Variants in TJP1 observed in about 807,000 individuals in gnomAD.
TJP1 encodes the protein tight junction protein ZO-1.
Under a neutral mutation model 194.2 loss-of-function variants are expected in TJP1, and 43 were observed. The ratio of observed to expected loss-of-function variants is 0.22; its 90% CI spans 0.17 to 0.29. The LOEUF (loss-of-function observed/expected upper bound fraction) is 0.29. Among genes scored for constraint, TJP1 ranks in the 10% least tolerant of loss-of-function variants. The pLI, the probability that TJP1 is intolerant of heterozygous loss-of-function variation, is 1.00. For missense variants in TJP1, 1,971 were observed against 2,185.7 expected (o/e 0.90, Z 1.96); for synonymous variants, 801 against 779.0 (o/e 1.03, Z -0.47).
intron 2 of TJP1, among the ~76,000 whole-genome samples, chr15:29,923,212 C>T (rs1028514230): frequency 2.0e-5 from 3 of 152,164 alleles, no homozygotes; most frequent in East Asian, 3.8e-4. Context: ...AAAGATCTAT[C>T]TATTGAAGCA....
At chr15:29,847,113 A>T (rs1317497165) in intron 2 of TJP1, among the ~76,000 whole-genome samples, 1 of 151,898 alleles carries the variant, frequency 6.6e-6, no homozygotes, top group African/African-American at 2.4e-5. Context: ...TGTTTATTTA[A>T]TTTTTTTGAG....
intron 2 of TJP1, among the ~76,000 whole-genome samples, chr15:29,900,874 C>T (rs1020819850): frequency 6.6e-6 from 1 of 152,102 alleles, no homozygotes; most frequent in African/African-American, 2.4e-5. Flanking sequence ...GACAAAGAAT[C>T]ATCCTTTATA....
chr15:29,883,971 T>C (rs2053027828), intron 2 of TJP1, among the ~76,000 whole-genome samples: 1 of 152,226 alleles, frequency 6.6e-6, no homozygotes, highest in Non-Finnish European at 1.5e-5. Flanking sequence ...TTGTGACAAG[T>C]ATGGGAATTC....
chr15:29,786,903 T>C (rs1195510538), intron 2 of TJP1, among the ~76,000 whole-genome samples: 1 of 152,226 alleles, frequency 6.6e-6, no homozygotes, highest in Admixed American at 6.5e-5. Flanking sequence ...GGCATTTTAC[T>C]AGACCTTTCT....
chr15:29,892,325 T>A (rs879468518), intron 2 of TJP1, among the ~76,000 whole-genome samples: 5 of 152,202 alleles, frequency 3.3e-5, no homozygotes, highest in Non-Finnish European at 5.9e-5. Context: ...AAAGAAGCCA[T>A]CTCCGTAACA....
At chr15:29,953,861 C>CA (rs2055845992) in intron 2 of TJP1, among the ~76,000 whole-genome samples, 1 of 152,170 alleles carries the variant, frequency 6.6e-6, no homozygotes, top group Non-Finnish European at 1.5e-5. Context: ...CATGGCTTTT[C>CA]AATGCACTCT....
rs779837619 is a variant in TJP1, at chr15:29,700,273, G to A, written c.*1322C>T. 23 of 398,722 alleles carry A rather than the reference G, an allele frequency of 5.8e-5. No individual in the cohort carries two copies. The highest frequency in any genetic ancestry group is 8.0e-5 in the Non-Finnish European group (18 of 226,018). 24.7% of individuals were successfully genotyped at this position (398,722 alleles called of 1,614,324 possible). A position where few individuals can be genotyped will look rare whatever the true frequency, so the allele number is the denominator to read the frequency against. On this transcript the variant is annotated 3_prime_UTR_variant, in exon 28 of 28. Coordinates refer to ENST00000614355, the MANE Select transcript of TJP1 (RefSeq NM_001330239.4). Reference sequence around the variant, plus strand: ...GTGGTGTATTATCTAAACAGAAATCGTGCTGATGTGCCATAATAAATTGTC... The same window carrying A: ...GTGGTGTATTATCTAAACAGAAATCATGCTGATGTGCCATAATAAATTGTC...
At chr15:29,720,732 C>T in intron 18 of TJP1, 24 bp from the exon 19 acceptor site, 1 of 1,537,788 alleles carries the variant, frequency 6.5e-7, no homozygotes. Flanking sequence ...AAGTAAATTA[C>T]AAATTTTATT....
intron 18 of TJP1, among the ~76,000 whole-genome samples, chr15:29,723,096 CTGAGTTAATGCTGAAA>C (rs2043030672): frequency 6.6e-6 from 1 of 152,118 alleles, no homozygotes. Flanking sequence ...CTTTGAACTT[CTGAGTTAATGCTGAAA>C]TGAGTTAAGA....
At chr15:29,817,844 G>A (rs934309579) in intron 1 of TJP1, among the ~76,000 whole-genome samples, 15 of 152,052 alleles carry the variant, frequency 9.9e-5, no homozygotes, top group African/African-American at 2.9e-4. Context: ...CCTGTTACCC[G>A]GGTTGGTGGT....
chr15:29,949,517 TCCACCACCACCACC>T (rs2055497697), intron 2 of TJP1, among the ~76,000 whole-genome samples: 4 of 20,758 alleles, frequency 1.9e-4, no homozygotes, highest in African/African-American at 4.4e-4. Context: ...CACCTCCACC[TCCACCACCACCACC>T]TCCACCACCA....
intron 2 of TJP1, among the ~76,000 whole-genome samples, chr15:29,848,372 T>G (rs746929308): frequency 1.6e-4 from 24 of 152,334 alleles, no homozygotes; most frequent in Non-Finnish European, 1.6e-4. Flanking sequence ...TTTTGTTTTG[T>G]GCATTTTTGA....
intron 2 of TJP1, among the ~76,000 whole-genome samples, chr15:29,910,184 C>T (rs542624179): frequency 1.3e-5 from 2 of 152,190 alleles, no homozygotes; most frequent in East Asian, 1.9e-4. Flanking sequence ...AAACAATAGC[C>T]GGCAGTAGAA....
intron 2 of TJP1, among the ~76,000 whole-genome samples, chr15:29,852,400 A>G (rs74475435): frequency 0.02 from 2,978 of 152,268 alleles, 110 homozygotes; most frequent in African/African-American, 0.067. Flanking sequence ...GCCAATTAAA[A>G]CCACAATGAG....
At chr15:29,830,356 TTGTCTAA>T (rs55816676) in intron 2 of TJP1, among the ~76,000 whole-genome samples, 9,351 of 149,982 alleles carry the variant, frequency 0.062, 370 homozygotes, top group Middle Eastern at 0.12. Flanking sequence ...ATATAATGTA[TTGTCTAA>T]TATATGATGT....
At chr15:29,919,037 T>G (rs1036525199) in intron 2 of TJP1, among the ~76,000 whole-genome samples, 1 of 152,170 alleles carries the variant, frequency 6.6e-6, no homozygotes, top group Non-Finnish European at 1.5e-5. Context: ...AATGTCACCA[T>G]GCCGGGAATA....
intron 2 of TJP1, among the ~76,000 whole-genome samples, chr15:29,843,242 G>T (rs531507767): frequency 6.6e-6 from 1 of 150,744 alleles, no homozygotes; most frequent in African/African-American, 2.4e-5. Context: ...AGGCTGGAGT[G>T]CAATGGCGCA....
At chr15:29,925,834 T>G (rs552926572) in intron 2 of TJP1, among the ~76,000 whole-genome samples, 13 of 152,214 alleles carry the variant, frequency 8.5e-5, no homozygotes, top group African/African-American at 3.1e-4. Context: ...CAAGCAGATC[T>G]TGACTGTCAC....
intron 1 of TJP1, among the ~76,000 whole-genome samples, chr15:29,807,964 G>A (rs201973793): frequency 2.0e-5 from 3 of 151,920 alleles, no homozygotes; most frequent in South Asian, 2.1e-4. Context: ...TCTGAATTAC[G>A]AAACAAAAAA....
Sources: allele counts gnomAD v4.1 joint callset (sites outside exome capture counted in the v4.1 genomes callset), GRCh38; gene constraint gnomAD v4.1.1; transcripts MANE v1.5; gene names NCBI Gene and HGNC (gene_info 2026-07-23, HGNC 2026-07-21).